HDAC9: variants seen among roughly 807,000 people sequenced by gnomAD.
HDAC9 encodes histone deacetylase 9.
In HDAC9, 41 loss-of-function variants were observed where a neutral mutation model predicts 139.4. The observed-to-expected ratio is 0.29, with a 90% CI of 0.23 to 0.38. HDAC9 has a LOEUF of 0.38. Among genes scored for constraint, HDAC9 ranks in the 10% least tolerant of loss-of-function variants. The pLI, the probability that HDAC9 is intolerant of heterozygous loss-of-function variation, is 1.00. For synonymous variants in HDAC9, 517 were observed against 476.2 expected (o/e 1.09, Z -1.12); for missense variants, 1,147 against 1,297.0 (o/e 0.88, Z 1.78).
intron 2 of HDAC9, among the ~76,000 whole-genome samples, chr7:18,555,452 G>C (rs746884863): frequency 6.6e-6 from 1 of 152,178 alleles, no homozygotes; most frequent in Non-Finnish European, 1.5e-5. Context: ...AATTGTGTGT[G>C]AATATGATCT....
chr7:18,148,125 T>C (rs146973936), intron 1 of HDAC9, among the ~76,000 whole-genome samples: 1 of 152,312 alleles, frequency 6.6e-6, no homozygotes, highest in East Asian at 1.9e-4. Context: ...CTTACTAGTT[T>C]CCTATTGCTA....
chr7:18,334,807 C>G (rs1781465860), intron 1 of HDAC9, among the ~76,000 whole-genome samples: 1 of 151,486 alleles, frequency 6.6e-6, no homozygotes, highest in African/African-American at 2.4e-5. Context: ...AGGAGAGTGA[C>G]ATTGAGAAGC....
intron 2 of HDAC9, among the ~76,000 whole-genome samples, chr7:18,271,410 G>C (rs775966211): frequency 3.9e-5 from 6 of 152,132 alleles, no homozygotes; most frequent in Non-Finnish European, 8.8e-5. Context: ...TAGAACATTA[G>C]TGGTTCCCAG....
intron 1 of HDAC9, among the ~76,000 whole-genome samples, chr7:18,148,792 G>A (rs1464518491): frequency 6.6e-6 from 1 of 152,108 alleles, no homozygotes; most frequent in Non-Finnish European, 1.5e-5. Flanking sequence ...CCTTGTGAAT[G>A]CGTTGGGCCA....
chr7:18,678,977 T>G (rs1357615951), intron 12 of HDAC9, among the ~76,000 whole-genome samples: 1 of 151,940 alleles, frequency 6.6e-6, no homozygotes, highest in African/African-American at 2.4e-5. Context: ...CTGGAGCATT[T>G]AACAGGGGTG....
At chr7:18,111,891 G>T (rs1283979214) in intron 1 of HDAC9, among the ~76,000 whole-genome samples, 1 of 152,140 alleles carries the variant, frequency 6.6e-6, no homozygotes, top group African/African-American at 2.4e-5. Flanking sequence ...GCAGTAGAGT[G>T]GTGTATGTAC....
intron 1 of HDAC9, among the ~76,000 whole-genome samples, chr7:18,378,876 A>C (rs1002036154): frequency 2.0e-5 from 3 of 152,140 alleles, no homozygotes; most frequent in Non-Finnish European, 2.9e-5. Context: ...TTTTAGTAGA[A>C]CTAAATATGG....
intron 24 of HDAC9, among the ~76,000 whole-genome samples, chr7:18,957,574 C>T (rs372338540): frequency 4.6e-5 from 7 of 152,050 alleles, no homozygotes; most frequent in Non-Finnish European, 7.4e-5. Context: ...TTTTGTGAGA[C>T]CCAGTTCAAG....
intron 2 of HDAC9, among the ~76,000 whole-genome samples, chr7:18,498,718 C>T (rs959983884): frequency 3.3e-5 from 5 of 151,928 alleles, no homozygotes; most frequent in African/African-American, 4.8e-5. Flanking sequence ...CACTGCTAGC[C>T]GATTGTGTAC....
rs566458966 is a variant in HDAC9, at chr7:18,767,279, C to A, written c.2214+124C>A. Reference sequence around the variant, plus strand: ...AAGTTATGCTAGACTTCAGGACTGCCTACTTAATTTGCAGAGCTAAGTGCC... The same window carrying A: ...AAGTTATGCTAGACTTCAGGACTGCATACTTAATTTGCAGAGCTAAGTGCC... On this transcript the variant is annotated intron_variant, in intron 16 of 25. Transcript: ENST00000686413. 174 of 489,842 alleles carry A rather than the reference C, an allele frequency of 3.6e-4. 1 individual carries two copies. Among genetic ancestry groups the A allele is most frequent in the Non-Finnish European group, 5.7e-4 (158 of 279,490 alleles). The allele number at this position is 489,842 out of a possible 1,614,324, so 30.3% of individuals were successfully genotyped here.
intron 24 of HDAC9, among the ~76,000 whole-genome samples, chr7:18,964,141 CA>C (rs1318159934): frequency 1.1e-4 from 17 of 152,232 alleles, no homozygotes; most frequent in African/African-American, 3.9e-4. Context: ...TTACAATTAC[CA>C]AACCTAAATG....
At chr7:18,112,901 C>T (rs1375245442) in intron 1 of HDAC9, among the ~76,000 whole-genome samples, 7 of 152,028 alleles carry the variant, frequency 4.6e-5, no homozygotes, top group Non-Finnish European at 1.0e-4. Flanking sequence ...AAGATGTTTA[C>T]AGGTTTGGGA....
intron 24 of HDAC9, among the ~76,000 whole-genome samples, chr7:18,971,504 T>A (rs1784242005): frequency 6.6e-6 from 1 of 152,202 alleles, no homozygotes; most frequent in Admixed American, 6.5e-5. Context: ...ATGACTTTCT[T>A]GCACATCTGT....
chr7:18,194,191 CATG>C (rs1288629514), intron 2 of HDAC9, among the ~76,000 whole-genome samples: 2 of 152,158 alleles, frequency 1.3e-5, no homozygotes, highest in Non-Finnish European at 2.9e-5. Flanking sequence ...AACGATTAAA[CATG>C]ATATTTTGTA....
intron 6 of HDAC9, among the ~76,000 whole-genome samples, chr7:18,625,241 G>A (rs78140316): frequency 0.025 from 3,742 of 152,214 alleles, 57 homozygotes; most frequent in Middle Eastern, 0.065. Context: ...GCTACATAGA[G>A]TACTCTCAAT....
chr7:18,501,847 T>C (rs1446640645), intron 2 of HDAC9, among the ~76,000 whole-genome samples: 1 of 152,150 alleles, frequency 6.6e-6, no homozygotes, highest in Non-Finnish European at 1.5e-5. Flanking sequence ...CAGTGATTAA[T>C]TGTAAGTAGT....
intron 22 of HDAC9, among the ~76,000 whole-genome samples, chr7:18,896,177 CTTAT>C (rs1275416873): frequency 2.6e-5 from 4 of 151,844 alleles, no homozygotes; most frequent in African/African-American, 4.8e-5. Flanking sequence ...CCATTAGAGT[CTTAT>C]TTATGTTTCA....
chr7:18,385,611 C>A (rs917666211), intron 1 of HDAC9, among the ~76,000 whole-genome samples: 1 of 152,132 alleles, frequency 6.6e-6, no homozygotes, highest in Non-Finnish European at 1.5e-5. Flanking sequence ...TTCAAATTGA[C>A]TAAAATAAGG....
intron 2 of HDAC9, among the ~76,000 whole-genome samples, chr7:18,507,170 ATAT>A (rs59819356): frequency 1.5e-3 from 218 of 144,306 alleles, no homozygotes; most frequent in Middle Eastern, 0.011. Context: ...TATTCATTAC[ATAT>A]TATTATTATT....
Sources: allele counts gnomAD v4.1 joint callset (sites outside exome capture counted in the v4.1 genomes callset), GRCh38; gene constraint gnomAD v4.1.1; transcripts MANE v1.5; gene names NCBI Gene and HGNC (gene_info 2026-07-23, HGNC 2026-07-21).